The following FAM13B variants were observed in gnomAD, a reference collection of about 807,000 sequenced individuals.
The protein encoded by FAM13B is protein FAM13B.
A neutral mutation model predicts 117.3 loss-of-function variants in FAM13B; 60 were observed. That is an observed-to-expected ratio of 0.51 (90% CI 0.42 to 0.63). FAM13B has a LOEUF of 0.63. Ranked by LOEUF, FAM13B falls within the 30% of genes least tolerant of loss-of-function variation. FAM13B has a pLI of 0.00. For missense variants in FAM13B, 972 were observed against 1,091.9 expected (o/e 0.89, Z 1.55); for synonymous variants, 332 against 356.1 (o/e 0.93, Z 0.76).
chr5:138,021,018 T>G lies in FAM13B; in HGVS notation c.-36+13A>C. ...TTATAGAGCACGAGATAGTTACCAT[T>G]TTGAAAACTTACCTTTCAGTACTTA... On this transcript the variant is annotated intron_variant, in intron 2 of 23. Coordinates refer to ENST00000689681, the MANE Select transcript of FAM13B (RefSeq NM_001385994.1). 2.4e-6 allele frequency: 3 copies of G among 1,230,592 alleles called. No individual in the cohort carries two copies. In the South Asian group the frequency reaches 1.2e-4, roughly 51 times the overall value. 76.2% of individuals were successfully genotyped at this position (1,230,592 alleles called of 1,614,324 possible).
At chr5:137,959,184 G>A (rs1442590353) in intron 13 of FAM13B, among the ~76,000 whole-genome samples, 1 of 152,094 alleles carries the variant, frequency 6.6e-6, no homozygotes, top group Non-Finnish European at 1.5e-5. Flanking sequence ...TTGTTTAGAA[G>A]TACCCTTGAA....
intron 6 of FAM13B, among the ~76,000 whole-genome samples, chr5:138,010,463 A>T (rs2150887592): frequency 6.6e-6 from 1 of 152,336 alleles, no homozygotes; most frequent in African/African-American, 2.4e-5. Flanking sequence ...ACAATTTTTT[A>T]AAAGATTATA....
upstream of FAM13B, among the ~76,000 whole-genome samples, chr5:138,035,842 T>C (rs1342158702): frequency 6.6e-6 from 1 of 152,180 alleles, no homozygotes; most frequent in East Asian, 1.9e-4. Flanking sequence ...GGTTTGACAT[T>C]CCCTGGGCAT....
chr5:137,987,509 T>C lies in FAM13B; in HGVS notation c.998A>G (p.Asn333Ser). 1 of 1,613,496 alleles carries C rather than the reference T, an allele frequency of 6.2e-7. No homozygotes were observed. Among genetic ancestry groups the C allele is most frequent in the Non-Finnish European group, 8.5e-7 (1 of 1,179,672 alleles). Residue 333 changes from asparagine (N) to serine (S), a missense_variant, in exon 9 of 24, where the codon AAT becomes AGT. Transcript: ENST00000689681. ...KNLQQQSVVCNNEAESIHCDG... is the reference protein window; with the variant it reads ...KNLQQQSVVCSNEAESIHCDG... ...ACAATGAATACTTTCTGCTTCATTA[T>C]TACACACCACACTTTGCTGTTGTAA...
chr5:138,037,895 G>T (rs1791307531), upstream of FAM13B, among the ~76,000 whole-genome samples: 1 of 152,196 alleles, frequency 6.6e-6, no homozygotes, highest in East Asian at 1.9e-4. Context: ...TCCAGTTCTA[G>T]CCCTGTTACT....
intron 10 of FAM13B, among the ~76,000 whole-genome samples, chr5:137,964,380 G>C (rs1300676605): frequency 2.6e-5 from 4 of 151,252 alleles, no homozygotes. Context: ...CCAAAGTCCT[G>C]GGATTACAGG....
rs537619123 is a variant in FAM13B, at chr5:138,009,382, T to G, written c.690+1626A>C. ...GATAGATCAGGTTTTAAAGTAGATCTAATGGGAAATTATCCTCTTTCCCCA... is the reference window on the plus strand; with the variant it reads ...GATAGATCAGGTTTTAAAGTAGATCGAATGGGAAATTATCCTCTTTCCCCA... On this transcript the variant is annotated intron_variant, in intron 6 of 23. Transcript: ENST00000689681. 6.6e-5 allele frequency among the ~76,000 whole-genome samples: 10 copies of G among 152,206 alleles called. No individual in the cohort carries two copies. In the South Asian group the frequency reaches 1.9e-3, roughly 28 times the overall value.
chr5:138,029,323 A>C (rs560472975), intron 1 of FAM13B, among the ~76,000 whole-genome samples: 1 of 152,364 alleles, frequency 6.6e-6, no homozygotes, highest in East Asian at 1.9e-4. Context: ...TTCTCAGTGA[A>C]AATTTTGTTT....
intron 10 of FAM13B, among the ~76,000 whole-genome samples, chr5:137,974,680 CA>C (rs1009764265): frequency 6.3e-5 from 8 of 127,474 alleles, no homozygotes; most frequent in African/African-American, 2.3e-4. Flanking sequence ...AAAAAAAAAG[CA>C]AGCAATTTGT....
At position 138,032,988 on chromosome 5, in the gene FAM13B, CGACGCA is replaced by C. The variant is rs1310177881; in HGVS notation, c.-415_-410del. 3 of 986,278 alleles carry C rather than the reference CGACGCA, an allele frequency of 3.0e-6. No individual in the cohort carries two copies. The African/African-American group carries it at 5.2e-5, about 17-fold the overall frequency. 61.1% of individuals were successfully genotyped at this position (986,278 alleles called of 1,614,324 possible). A position where few individuals can be genotyped will look rare whatever the true frequency, so the allele number is the denominator to read the frequency against. ...CCCCGGATACCCCCGGCGGTGGTGG[CGACGCA>C]GACGCGGAACAGGGGGAGAGAGTGG... On this transcript the variant is annotated 5_prime_UTR_variant, in exon 1 of 24. Coordinates refer to ENST00000689681, the MANE Select transcript of FAM13B (RefSeq NM_001385994.1).
At position 137,985,465 on chromosome 5, in the gene FAM13B, T is replaced by C. The variant is rs888146354; in HGVS notation, c.1047-76A>G. ...GCCTTTACTTTAAAATAAGTAAATA[T>C]CAATAATGATCTGAAACTTTTACTT... On this transcript the variant is annotated intron_variant, in intron 9 of 23. Coordinates refer to ENST00000689681, the MANE Select transcript of FAM13B (RefSeq NM_001385994.1). 5.7e-5 allele frequency: 78 copies of C among 1,360,044 alleles called. No homozygotes were observed. The East Asian group carries it at 1.9e-3, about 32-fold the overall frequency. The allele number at this position is 1,360,044 out of a possible 1,614,324, so 84.2% of individuals were successfully genotyped here.
chr5:137,985,663 A>G (rs1363896597), intron 9 of FAM13B, among the ~76,000 whole-genome samples: 1 of 151,950 alleles, frequency 6.6e-6, no homozygotes, highest in Admixed American at 6.6e-5. Flanking sequence ...GGGCCGAAAT[A>G]ATCATTTCCC....
intron 9 of FAM13B, among the ~76,000 whole-genome samples, chr5:137,986,760 T>G (rs1169569265): frequency 6.6e-6 from 1 of 152,344 alleles, no homozygotes; most frequent in African/African-American, 2.4e-5. Flanking sequence ...AGCCATTCAT[T>G]TGCTTATGAA....
In FAM13B at chr5:138,025,322, T is replaced by TTG. The variant is rs1561544205; in HGVS notation, c.-202-4126_-202-4125insCA. On this transcript the variant is annotated intron_variant, in intron 1 of 23. Coordinates refer to ENST00000689681, the MANE Select transcript of FAM13B (RefSeq NM_001385994.1). The stretch of plus-strand genomic sequence containing the variant: ...ATATATATATATATGTATTTTTTTT[T>TTG]TTTTTTTTTTTGAGTTGAGGTCTCA... Among the ~76,000 whole-genome samples, 35 of 137,884 alleles carry TTG rather than the reference T, an allele frequency of 2.5e-4. 1 individual carries two copies. Among genetic ancestry groups the TTG allele is most frequent in the Middle Eastern group, 3.5e-3 (1 of 284 alleles). 90.5% of individuals were successfully genotyped at this position (137,884 alleles called of 152,430 possible).
In FAM13B at chr5:137,971,796, C is replaced by G. The variant is rs562905970; in HGVS notation, c.1180-9327G>C. On this transcript the variant is annotated intron_variant, in intron 10 of 23. Coordinates refer to ENST00000689681, the MANE Select transcript of FAM13B (RefSeq NM_001385994.1). Reference sequence around the variant, plus strand: ...AAAGGGGATATCACCACCAATCCCACAGAAATACAAACTACCATCAGAGAA... The same window carrying G: ...AAAGGGGATATCACCACCAATCCCAGAGAAATACAAACTACCATCAGAGAA... Among the ~76,000 whole-genome samples the G allele has an allele frequency of 1.5e-4, 22 of 151,154 alleles. No individual in the cohort carries two copies. In the East Asian group the frequency reaches 4.3e-3, roughly 29 times the overall value.
At chr5:138,001,209 A>G (rs1280126703) in intron 7 of FAM13B, among the ~76,000 whole-genome samples, 1 of 152,212 alleles carries the variant, frequency 6.6e-6, no homozygotes, top group Non-Finnish European at 1.5e-5. Context: ...ACTTCTGAAG[A>G]GAAATACAAA....
At chr5:137,947,922 G>C (rs981963561) in intron 18 of FAM13B, among the ~76,000 whole-genome samples, 3 of 152,080 alleles carry the variant, frequency 2.0e-5, no homozygotes, top group African/African-American at 7.2e-5. Context: ...AAAGTTAAGA[G>C]GGGAAGAGAT....
At chr5:137,950,373 G>C (rs111935666) in intron 17 of FAM13B, among the ~76,000 whole-genome samples, 9 of 152,142 alleles carry the variant, frequency 5.9e-5, no homozygotes, top group African/African-American at 1.7e-4. Flanking sequence ...TAGCCAGTGT[G>C]AAGGTCCTAA....
At chr5:138,023,274 A>C (rs1429308870) in intron 1 of FAM13B, among the ~76,000 whole-genome samples, 1 of 152,230 alleles carries the variant, frequency 6.6e-6, no homozygotes, top group Non-Finnish European at 1.5e-5. Flanking sequence ...TTCTGACGAC[A>C]AGTTTCTCTT....
Sources: gnomAD v4.1 joint callset for allele counts (sites outside exome capture counted in the v4.1 genomes callset) on GRCh38, gnomAD v4.1.1 for gene constraint, MANE v1.5 for transcripts, NCBI Gene and HGNC (gene_info 2026-07-23, HGNC 2026-07-21) for gene names.